The following EIF3F variants were observed in gnomAD, a reference collection of about 807,000 sequenced individuals.
The protein encoded by EIF3F is eukaryotic translation initiation factor 3 subunit F, also known as deubiquitinating enzyme eIF3f.
In EIF3F, 8 loss-of-function variants were observed where a neutral mutation model predicts 36.0. The ratio of observed to expected loss-of-function variants is 0.22; its 90% CI spans 0.13 to 0.40. The LOEUF is 0.40. EIF3F is among the 10% of genes least tolerant of loss of function. The probability of loss-of-function intolerance (pLI) is 1.00; values close to 1 mark genes in which losing one functional copy is unlikely to be tolerated. For missense variants in EIF3F, 430 were observed against 467.6 expected, an observed-to-expected ratio of 0.92 and a Z score of 0.74; for synonymous variants, 184 against 188.5, an observed-to-expected ratio of 0.98 and a Z score of 0.19.
In EIF3F at chr11:7,987,435, C is replaced by T. The variant is rs1273557037; in HGVS notation, c.83C>T (p.Ala28Val). The stretch of plus-strand genomic sequence containing the variant: ...GCGGCGGCCCCAGCCTCAGTTCCAG[C>T]GCCAACGCCAGCACCGGCTGCGGCT... Reference protein sequence around the residue: ...VPAAAPASVPAPTPAPAAAPV... With the variant: ...VPAAAPASVPVPTPAPAAAPV... The change falls in exon 1 of 8, where the codon GCG (alanine) becomes GTG (valine). Residue 28 changes from alanine (A) to valine (V), a missense_variant. Coordinates refer to ENST00000651655, the MANE Select transcript of EIF3F (RefSeq NM_003754.3). 3 of 1,602,480 alleles carry T rather than the reference C, an allele frequency of 1.9e-6. No homozygotes were observed. Among genetic ancestry groups the T allele is most frequent in the Non-Finnish European group, 2.5e-6 (3 of 1,179,254 alleles).
chr11:7,993,834 A>G (rs1344570458), intron 4 of EIF3F, among the ~76,000 whole-genome samples: 1 of 37,870 alleles, frequency 2.6e-5, no homozygotes. Flanking sequence ...AAGATCCAGT[A>G]TATATATATA....
Position 7,995,138 on chromosome 11 carries a change from A to G in EIF3F, c.882+20A>G, listed in dbSNP as rs1942145989. The G allele has an allele frequency of 1.9e-6, 3 of 1,612,478 alleles. No individual in the cohort carries two copies. The highest frequency in any genetic ancestry group is 1.1e-5 in the South Asian group (1 of 90,946). ...GTACTGGTGAGAGGGGAAAGAAAAAACAAAGGGGGAGGACATAGTTCTCTA... is the reference window on the plus strand; with the variant it reads ...GTACTGGTGAGAGGGGAAAGAAAAAGCAAAGGGGGAGGACATAGTTCTCTA... On this transcript the variant is annotated intron_variant, in intron 6 of 7. Transcript: ENST00000651655.
Position 7,992,180 on chromosome 11 carries a change from G to T in EIF3F, c.515+17G>T. ...CCTGGGCTGGTAAGTTGGGGAGGTG[G>T]GGGCTGGGGTTAATGGAAGGTCTCT... is the stretch of plus-strand genomic sequence containing the variant. On this transcript the variant is annotated intron_variant, in intron 3 of 7. Transcript: ENST00000651655. The T allele has an allele frequency of 1.2e-6, 2 of 1,604,012 alleles. No individual in the cohort carries two copies. Among genetic ancestry groups the T allele is most frequent in the South Asian group, 1.1e-5 (1 of 90,734 alleles).
At chr11:7,991,889 G>T (rs919816657) in intron 2 of EIF3F, 38 bp downstream of exon 2, 15 of 1,612,164 alleles carry the variant, frequency 9.3e-6, no homozygotes, top group Non-Finnish European at 1.2e-5. Context: ...GCAGTTTTTA[G>T]CTGTTCATTT....
In EIF3F at chr11:7,987,700, T is replaced by C. The variant is rs1942043742; in HGVS notation, c.348T>C (p.Val116=). The change falls in exon 1 of 8, where the codon GTT becomes GTC. Residue 116 remains valine, a synonymous_variant. Coordinates refer to ENST00000651655, the MANE Select transcript of EIF3F (RefSeq NM_003754.3). ...GACGCAACGAGGGTGCTGCCCGAGTTATCGGGACCCTGTTGGGTGAGTGGT... is the reference window on the plus strand; with the variant it reads ...GACGCAACGAGGGTGCTGCCCGAGTCATCGGGACCCTGTTGGGTGAGTGGT... ...YERRNEGAAR[V]IGTLLGTVDK... 3.3e-6 allele frequency: 5 copies of C among 1,514,198 alleles called. No homozygotes were observed. Among genetic ancestry groups the C allele is most frequent in the Non-Finnish European group, 4.4e-6 (5 of 1,132,606 alleles). The allele number at this position is 1,514,198 out of a possible 1,614,324, so 93.8% of individuals were successfully genotyped here. A position where few individuals can be genotyped will look rare whatever the true frequency, so the allele number is the denominator to read the frequency against.
At chr11:7,988,656 A>C (rs1389241218) in intron 1 of EIF3F, among the ~76,000 whole-genome samples, 1 of 152,178 alleles carries the variant, frequency 6.6e-6, no homozygotes, top group Admixed American at 6.5e-5. Flanking sequence ...TTTCTCTTTC[A>C]TACTCTTGAA....
At position 7,996,893 on chromosome 11, in the gene EIF3F, T is replaced by TCTTTC. The variant is rs1400301620; in HGVS notation, c.*871_*872insCTTTC. 273 of 152,316 alleles carry TCTTTC rather than the reference T, an allele frequency of 1.8e-3. No individual in the cohort carries two copies. Among genetic ancestry groups the TCTTTC allele is most frequent in the African/African-American group, 6.2e-3 (259 of 41,566 alleles). The allele number at this position is 152,316 out of a possible 1,614,324, so 9.4% of individuals were successfully genotyped here. A position where few individuals can be genotyped will look rare whatever the true frequency, so the allele number is the denominator to read the frequency against. ...ATGTGTAGCCTTAGGAAAGATAAAT[T>TCTTTC]ATAAGAGTCATAAGATATGGATCAT... On this transcript the variant is annotated 3_prime_UTR_variant, in exon 8 of 8. Coordinates refer to ENST00000651655, the MANE Select transcript of EIF3F (RefSeq NM_003754.3).
rs1432307638 is a variant in EIF3F, at chr11:8,000,022, G to C, written c.*4000G>C. 6.6e-6 allele frequency: 1 copy of C among 152,044 alleles called. No individual in the cohort carries two copies. Among genetic ancestry groups the C allele is most frequent in the Non-Finnish European group, 1.5e-5 (1 of 68,020 alleles). The allele number at this position is 152,044 out of a possible 1,614,324, so 9.4% of individuals were successfully genotyped here. The stretch of plus-strand genomic sequence containing the variant: ...AGTTCTTGACCAGCCTGGCCAACAT[G>C]ATGAAACCCCGTCTCTACAAAAGAT... On this transcript the variant is annotated 3_prime_UTR_variant, in exon 8 of 8. Coordinates refer to ENST00000651655, the MANE Select transcript of EIF3F (RefSeq NM_003754.3).
At position 7,997,624 on chromosome 11, in the gene EIF3F, C is replaced by G. The variant is rs1008334284; in HGVS notation, c.*1602C>G. On this transcript the variant is annotated 3_prime_UTR_variant, in exon 8 of 8. Transcript: ENST00000651655. The stretch of plus-strand genomic sequence containing the variant: ...ACAGGAGACACATCTAAAACAAGGA[C>G]ATAAAGTTGTCCTGCAGCTGTGAGT... 5.9e-5 allele frequency: 9 copies of G among 152,112 alleles called. No individual in the cohort carries two copies. The highest frequency in any genetic ancestry group is 1.3e-4 in the Admixed American group (2 of 15,280). 9.4% of individuals were successfully genotyped at this position (152,112 alleles called of 1,614,324 possible).
intron 1 of EIF3F, 159 bp downstream of exon 1, chr11:7,987,875 G>A (rs944128918): frequency 9.0e-7 from 1 of 1,116,856 alleles, no homozygotes; most frequent in African/African-American, 1.6e-5. Flanking sequence ...CTTTTGCTGT[G>A]ACTTATCTTC....
At position 7,996,046 on chromosome 11, in the gene EIF3F, C is replaced by A. The variant is rs15879; in HGVS notation, c.*24C>A. 17 of 1,610,278 alleles carry A rather than the reference C, an allele frequency of 1.1e-5. No individual in the cohort carries two copies. Among genetic ancestry groups the A allele is most frequent in the Non-Finnish European group, 1.2e-5 (14 of 1,176,652 alleles). On this transcript the variant is annotated 3_prime_UTR_variant, in exon 8 of 8. Transcript: ENST00000651655. ...GAATGGACCCCAAGCAGTACACTTGCTGGTCTAGGTATTAACCCCAGGACT... is the reference window on the plus strand; with the variant it reads ...GAATGGACCCCAAGCAGTACACTTGATGGTCTAGGTATTAACCCCAGGACT...
intron 1 of EIF3F, among the ~76,000 whole-genome samples, chr11:7,990,865 GAATAAATAAATA>G (rs58906269): frequency 7.0e-4 from 96 of 136,686 alleles, no homozygotes; most frequent in African/African-American, 1.4e-3. Context: ...AATGTAGTGG[GAATAAATAAATA>G]AATAAATAAA....
chr11:7,987,708 C>T lies in EIF3F; in HGVS notation c.356C>T (p.Thr119Ile). 1 of 1,515,282 alleles carries T rather than the reference C, an allele frequency of 6.6e-7. No homozygotes were observed. Among genetic ancestry groups the T allele is most frequent in the Non-Finnish European group, 8.8e-7 (1 of 1,132,712 alleles). The allele number at this position is 1,515,282 out of a possible 1,614,324, so 93.9% of individuals were successfully genotyped here. ...RNEGAARVIG[T>I]LLGTVDKHSV... ...GAGGGTGCTGCCCGAGTTATCGGGA[C>T]CCTGTTGGGTGAGTGGTCAGAGAAA... Residue 119 changes from threonine to isoleucine, a missense_variant, in exon 1 of 8, where the codon ACC (threonine) becomes ATC (isoleucine). By Grantham distance (89) the Thr-to-Ile change is moderately conservative (BLOSUM62 -1). Around this residue, in one of 2 missense-constraint regions of EIF3F, gnomAD observed 262 missense variants for 347.4 expected, o/e 0.75. Transcript: ENST00000651655.
rs531400006 is a variant in EIF3F at position 7,995,376 on chromosome 11, C to G, written c.996+9C>G. 3 of 1,599,600 alleles carry G rather than the reference C, an allele frequency of 1.9e-6. No homozygotes were observed. Among genetic ancestry groups the G allele is most frequent in the Non-Finnish European group, 2.6e-6 (3 of 1,166,710 alleles). ...TCAACAGCAACATCAATGTGAGTGC[C>G]CTTCCTGAGCCCCTTCTTGCCTGGT... On this transcript the variant is annotated intron_variant, in intron 7 of 7. Transcript: ENST00000651655.
rs138812206 is a variant in EIF3F, at chr11:7,994,492, G to A, written c.720G>A (p.Ala240=). 27 of 1,613,800 alleles carry A rather than the reference G, an allele frequency of 1.7e-5. No homozygotes were observed. The East Asian group carries it at 1.8e-4, about 11-fold the overall frequency. Residue 240 remains alanine, a synonymous_variant, in exon 5 of 8, where the codon GCG becomes GCA. Transcript: ENST00000651655. ...VMFTPLTVKY[A]YYDTERIGVD... is the part of the protein sequence containing the mutation. Reference sequence around the variant, plus strand: ...TCACGCCTCTGACAGTGAAATACGCGTACTACGACACTGAACGCATCGGAG... The same window carrying A: ...TCACGCCTCTGACAGTGAAATACGCATACTACGACACTGAACGCATCGGAG...
Position 7,992,150 on chromosome 11 carries a change from C to T in EIF3F, c.502C>T (p.Leu168Phe). 1.2e-6 allele frequency: 2 copies of T among 1,612,506 alleles called. No homozygotes were observed. Among genetic ancestry groups the T allele is most frequent in the African/African-American group, 1.3e-5 (1 of 75,040 alleles). Residue 168 changes from leucine (L) to phenylalanine (F), a missense_variant, in exon 3 of 8, where the codon CTC (leucine) becomes TTC (phenylalanine). Coordinates refer to ENST00000651655, the MANE Select transcript of EIF3F (RefSeq NM_003754.3). ...ELHKKVSPNE[L>F]ILGWYATGHD... ...GCATAAAAAAGTTTCTCCAAATGAG[C>T]TCATCCTGGGCTGGTAAGTTGGGGA...
rs896153315 is a variant in EIF3F at position 7,999,449 on chromosome 11, A to C, written c.*3427A>C. On this transcript the variant is annotated 3_prime_UTR_variant, in exon 8 of 8. Transcript: ENST00000651655. The stretch of plus-strand genomic sequence containing the variant: ...GTGTTAATTTTCCCTGTTAAACTAC[A>C]TATTTGTCATAATTACAATAAAATA... 1.3e-5 allele frequency: 2 copies of C among 152,214 alleles called. No homozygotes were observed. Among genetic ancestry groups the C allele is most frequent in the Admixed American group, 6.5e-5 (1 of 15,280 alleles). 9.4% of individuals were successfully genotyped at this position (152,214 alleles called of 1,614,324 possible).
rs1474888233 is a variant in EIF3F at position 7,994,409 on chromosome 11, G to A, written c.654-17G>A. On this transcript the variant is annotated splice_polypyrimidine_tract_variant and intron_variant, in intron 4 of 7. Transcript: ENST00000651655. ...TCTCCCAAGGCCATCTGTTTACTTTGGCTTCTCCTTCCGCAGCACTTTAAT... is the reference window on the plus strand; with the variant it reads ...TCTCCCAAGGCCATCTGTTTACTTTAGCTTCTCCTTCCGCAGCACTTTAAT... 1 of 1,611,752 alleles carries A rather than the reference G, an allele frequency of 6.2e-7. No homozygotes were observed. Among genetic ancestry groups the A allele is most frequent in the African/African-American group, 1.3e-5 (1 of 74,982 alleles).
chr11:7,992,940 A>G lies in EIF3F; in HGVS notation c.569A>G (p.Tyr190Cys), dbSNP rs1284974926. Residue 190 changes from tyrosine (Y) to cysteine (C), a missense_variant, in exon 4 of 8, where the codon TAC (tyrosine) becomes TGC (cysteine). Tyr to Cys is a radical substitution (Grantham distance 194). Coordinates refer to ENST00000651655, the MANE Select transcript of EIF3F (RefSeq NM_003754.3). The stretch of plus-strand genomic sequence containing the variant: ...CACTCTGTGCTGATCCACGAGTACT[A>G]CAGCCGAGAGGCCCCCAACCCCATC... Reference protein sequence around the residue: ...TEHSVLIHEYYSREAPNPIHL... With the variant: ...TEHSVLIHEYCSREAPNPIHL... 3.7e-6 allele frequency: 6 copies of G among 1,613,998 alleles called. No individual in the cohort carries two copies. The highest frequency in any genetic ancestry group is 2.2e-5 in the East Asian group (1 of 44,858).
Sources: gnomAD v4.1 joint callset for allele counts (sites outside exome capture counted in the v4.1 genomes callset) on GRCh38, gnomAD v4.1.1 for gene constraint, gnomAD v4.1.1 regional missense constraint, MANE v1.5 for transcripts, NCBI Gene and HGNC (gene_info 2026-07-23, HGNC 2026-07-21) for gene names.